Variants in NLGN1 observed in about 807,000 individuals in gnomAD.
NLGN1 encodes the protein neuroligin-1.
NLGN1 carries 12 observed loss-of-function variants against 65.5 expected under a neutral mutation model. The observed-to-expected ratio is 0.18, with a 90% CI of 0.12 to 0.30. The LOEUF (loss-of-function observed/expected upper bound fraction) is 0.30, where lower values mean the gene tolerates loss of function less well. Among genes scored for constraint, NLGN1 ranks in the 10% least tolerant of loss-of-function variants. The pLI, the probability that NLGN1 is intolerant of heterozygous loss-of-function variation, is 1.00. For missense variants in NLGN1, 750 were observed against 1,007.1 expected, an observed-to-expected ratio of 0.74 and a Z score of 3.46; for synonymous variants, 350 against 359.5, an observed-to-expected ratio of 0.97 and a Z score of 0.30.
intron 4 of NLGN1, among the ~76,000 whole-genome samples, chr3:174,094,397 A>T (rs2152567100): frequency 6.6e-6 from 1 of 152,020 alleles, no homozygotes. Flanking sequence ...GCCGCATGTG[A>T]CCTAAAATGG....
chr3:174,096,938 A>G (rs1213920894), intron 4 of NLGN1, among the ~76,000 whole-genome samples: 1 of 152,120 alleles, frequency 6.6e-6, no homozygotes, highest in African/African-American at 2.4e-5. Context: ...TAAGAAAATA[A>G]ATAAATAAGT....
At chr3:173,538,261 A>T (rs1295119250) in intron 2 of NLGN1, among the ~76,000 whole-genome samples, 2 of 152,142 alleles carry the variant, frequency 1.3e-5, no homozygotes, top group East Asian at 3.9e-4. Context: ...GCTAGCTGTC[A>T]CTGTAACGAA....
At chr3:173,550,066 T>C (rs189842088) in intron 2 of NLGN1, among the ~76,000 whole-genome samples, 105 of 152,180 alleles carry the variant, frequency 6.9e-4, no homozygotes, top group African/African-American at 2.2e-3. Context: ...AATCCTGTTG[T>C]TGGTTCAGTC....
chr3:174,268,717 T>C (rs1161427163), intron 4 of NLGN1, among the ~76,000 whole-genome samples: 1 of 152,074 alleles, frequency 6.6e-6, no homozygotes, highest in African/African-American at 2.4e-5. Context: ...AAGAAATAGC[T>C]ATAGGTGTTT....
chr3:173,811,629 G>A (rs745567212), intron 4 of NLGN1, among the ~76,000 whole-genome samples: 2 of 150,794 alleles, frequency 1.3e-5, no homozygotes, highest in Non-Finnish European at 3.0e-5. Context: ...AATACTTGAT[G>A]TGTTCTTAAA....
chr3:173,555,074 C>T (rs1211086141), intron 2 of NLGN1, among the ~76,000 whole-genome samples: 1 of 152,084 alleles, frequency 6.6e-6, no homozygotes, highest in Non-Finnish European at 1.5e-5. Context: ...GTTATCTTTT[C>T]AAATATTTGC....
chr3:174,194,862 C>T (rs1270679691), intron 4 of NLGN1, among the ~76,000 whole-genome samples: 30 of 127,558 alleles, frequency 2.4e-4, no homozygotes, highest in East Asian at 4.4e-4. Context: ...TTTCTTTTTT[C>T]TTTTTTCTTT....
intron 4 of NLGN1, among the ~76,000 whole-genome samples, chr3:174,116,544 TC>T (rs1263751350): frequency 2.0e-5 from 3 of 151,874 alleles, no homozygotes; most frequent in Non-Finnish European, 2.9e-5. Context: ...CACTATGTTG[TC>T]CCGGCTAGTC....
chr3:173,970,011 T>G (rs566829974), intron 4 of NLGN1, among the ~76,000 whole-genome samples: 21 of 152,264 alleles, frequency 1.4e-4, no homozygotes, highest in African/African-American at 4.8e-4. Flanking sequence ...CTAGTTCACT[T>G]ATATGCACTT....
In NLGN1 at chr3:173,539,210, C is replaced by T. The variant is rs116337027; in HGVS notation, c.-320-65069C>T. ...GACCATCTGTAAATCATACCTAGCTCTTTTCTTCCTCTGTCATCTGATAGT... is the reference window on the plus strand; with the variant it reads ...GACCATCTGTAAATCATACCTAGCTTTTTTCTTCCTCTGTCATCTGATAGT... On this transcript the variant is annotated intron_variant, in intron 2 of 6. Transcript: ENST00000457714. Among the ~76,000 whole-genome samples the T allele has an allele frequency of 2.6e-3, 396 of 151,858 alleles. 1 individual carries two copies. Among genetic ancestry groups the T allele is most frequent in the African/African-American group, 8.7e-3 (362 of 41,388 alleles).
chr3:174,198,521 G>A (rs1408189793), intron 4 of NLGN1, among the ~76,000 whole-genome samples: 3 of 152,110 alleles, frequency 2.0e-5, no homozygotes, highest in Admixed American at 2.0e-4. Flanking sequence ...GATACATTTT[G>A]CCTGTACAAA....
intron 4 of NLGN1, among the ~76,000 whole-genome samples, chr3:173,952,381 G>A (rs1208296649): frequency 6.6e-6 from 1 of 152,176 alleles, no homozygotes; most frequent in Non-Finnish European, 1.5e-5. Context: ...CACAAGAGGT[G>A]AGACAAGGAA....
At chr3:173,637,155 T>C (rs982603807) in intron 3 of NLGN1, among the ~76,000 whole-genome samples, 11 of 152,126 alleles carry the variant, frequency 7.2e-5, no homozygotes, top group Admixed American at 5.2e-4. Context: ...CTTGGTTGTA[T>C]AGGGACTCAC....
chr3:173,864,548 A>G (rs1045829340), intron 4 of NLGN1, among the ~76,000 whole-genome samples: 1 of 152,216 alleles, frequency 6.6e-6, no homozygotes, highest in Non-Finnish European at 1.5e-5. Context: ...ACATATTTTA[A>G]GTGACTGATA....
chr3:174,183,147 C>A (rs1577252131), intron 4 of NLGN1, among the ~76,000 whole-genome samples: 1 of 152,132 alleles, frequency 6.6e-6, no homozygotes, highest in South Asian at 2.1e-4. Context: ...ATTGCCTGTG[C>A]CTGGCACCTC....
chr3:173,953,223 A>C (rs996412615), intron 4 of NLGN1, among the ~76,000 whole-genome samples: 4 of 152,224 alleles, frequency 2.6e-5, no homozygotes, highest in African/African-American at 9.6e-5. Context: ...GTCAGAGAAA[A>C]GAATTCACAT....
chr3:174,063,068 T>C (rs1352852559), intron 4 of NLGN1, among the ~76,000 whole-genome samples: 1 of 152,092 alleles, frequency 6.6e-6, no homozygotes, highest in East Asian at 1.9e-4. Flanking sequence ...GAACCAGAGA[T>C]GTAGAAAAAC....
intron 4 of NLGN1, among the ~76,000 whole-genome samples, chr3:174,054,690 A>T (rs998746697): frequency 5.9e-5 from 9 of 152,038 alleles, no homozygotes; most frequent in African/African-American, 2.2e-4. Flanking sequence ...TCACATGACA[A>T]TACAAGAACT....
chr3:173,688,279 A>G (rs760907303), intron 3 of NLGN1, among the ~76,000 whole-genome samples: 4 of 152,184 alleles, frequency 2.6e-5, no homozygotes, highest in Non-Finnish European at 5.9e-5. Context: ...TTAAATAGTG[A>G]CACAAGGATT....
Sources: gnomAD v4.1 joint callset for allele counts (sites outside exome capture counted in the v4.1 genomes callset) on GRCh38, gnomAD v4.1.1 for gene constraint, MANE v1.5 for transcripts, NCBI Gene and HGNC (gene_info 2026-07-23, HGNC 2026-07-21) for gene names.